SPATS2L: variants seen among roughly 807,000 people sequenced by gnomAD.
The protein encoded by SPATS2L is SPATS2-like protein.
Under a neutral mutation model 59.6 loss-of-function variants are expected in SPATS2L, and 30 were observed. The observed-to-expected ratio is 0.50, with a 90% CI of 0.38 to 0.68. The LOEUF (loss-of-function observed/expected upper bound fraction) is 0.68, where lower values mean the gene tolerates loss of function less well. SPATS2L is among the 30% of genes least tolerant of loss of function. SPATS2L has a pLI of 0.00. For synonymous variants in SPATS2L, 252 were observed against 263.5 expected (o/e 0.96, Z 0.42); for missense variants, 615 against 700.0 (o/e 0.88, Z 1.37).
At position 200,439,144 on chromosome 2, in the gene SPATS2L, G is replaced by A. The variant is rs373310006; in HGVS notation, c.468G>A (p.Gln156=). The A allele has an allele frequency of 2.2e-5, 36 of 1,613,644 alleles. No homozygotes were observed. The African/African-American group carries it at 4.0e-4, about 18-fold the overall frequency. ...GVTEGNRLLQ[Q]KLSLDGNPKP... ...CAGAAGGCAACAGACTACTGCAACA[G>A]AAACTATCCTTAGATGGGAACCCCA... Residue 156 remains glutamine, a synonymous_variant, in exon 7 of 13, where the codon CAG becomes CAA. Coordinates refer to ENST00000409140, the MANE Select transcript of SPATS2L (RefSeq NM_001100423.2).
intron 9 of SPATS2L, among the ~76,000 whole-genome samples, chr2:200,463,995 A>G (rs1300782141): frequency 2.0e-5 from 3 of 152,230 alleles, no homozygotes; most frequent in Non-Finnish European, 2.9e-5. Flanking sequence ...TATAAATCCT[A>G]TTGAGAAAGT....
At chr2:200,451,928 T>A (rs1172509934) in intron 8 of SPATS2L, among the ~76,000 whole-genome samples, 2 of 152,160 alleles carry the variant, frequency 1.3e-5, no homozygotes, top group Non-Finnish European at 2.9e-5. Context: ...TTTGTTTTAT[T>A]TTGAAATTTG....
chr2:200,476,152 G>A (rs114462666), intron 12 of SPATS2L, among the ~76,000 whole-genome samples: 62 of 152,228 alleles, frequency 4.1e-4, no homozygotes, highest in African/African-American at 1.3e-3. Flanking sequence ...AATCCATTGC[G>A]TCCTTACTGC....
intron 1 of SPATS2L, among the ~76,000 whole-genome samples, chr2:200,327,893 CA>C (rs756819436): frequency 5.3e-5 from 8 of 152,114 alleles, no homozygotes; most frequent in Non-Finnish European, 1.0e-4. Context: ...CACACGCAAA[CA>C]AAAGATTTCT....
chr2:200,442,345 C>T (rs1195735257), intron 8 of SPATS2L, among the ~76,000 whole-genome samples: 1 of 152,182 alleles, frequency 6.6e-6, no homozygotes, highest in African/African-American at 2.4e-5. Flanking sequence ...GAGCCAGGGT[C>T]TGCAGACTTT....
chr2:200,318,821 T>A (rs1014303833), intron 1 of SPATS2L, among the ~76,000 whole-genome samples: 16 of 152,206 alleles, frequency 1.1e-4, no homozygotes, highest in Non-Finnish European at 2.4e-4. Flanking sequence ...ATGCAGGAAT[T>A]CTTTCCACAT....
At chr2:200,326,454 A>G (rs2079745889) in intron 1 of SPATS2L, among the ~76,000 whole-genome samples, 1 of 152,204 alleles carries the variant, frequency 6.6e-6, no homozygotes, top group Admixed American at 6.5e-5. Context: ...TGAAATTTCA[A>G]TCGTTTTTCT....
At chr2:200,308,994 C>G (rs1304462878) in intron 1 of SPATS2L, 1 of 716,992 alleles carries the variant, frequency 1.4e-6, no homozygotes, top group African/African-American at 1.7e-5. Context: ...TGCTCTGCCA[C>G]ACCAGTAAGG....
chr2:200,421,556 C>G (rs367902261), intron 6 of SPATS2L, among the ~76,000 whole-genome samples: 1 of 152,204 alleles, frequency 6.6e-6, no homozygotes, highest in South Asian at 2.1e-4. Context: ...TCTTAAATTG[C>G]TCACAAAGCA....
At chr2:200,442,776 G>C (rs1443074991) in intron 8 of SPATS2L, among the ~76,000 whole-genome samples, 1 of 152,158 alleles carries the variant, frequency 6.6e-6, no homozygotes, top group Non-Finnish European at 1.5e-5. Context: ...GATTCTGTGA[G>C]AGTTTTACTC....
intron 8 of SPATS2L, among the ~76,000 whole-genome samples, chr2:200,448,100 C>G (rs557670569): frequency 1.3e-5 from 2 of 152,064 alleles, no homozygotes; most frequent in Admixed American, 6.5e-5. Context: ...AAGCCGTGAT[C>G]ATGCCATTAT....
chr2:200,397,238 A>G (rs549554806), intron 3 of SPATS2L, among the ~76,000 whole-genome samples: 1 of 152,350 alleles, frequency 6.6e-6, no homozygotes, highest in Admixed American at 6.5e-5. Context: ...ATGCTAAAGA[A>G]TACAAGAGCA....
At chr2:200,365,322 A>T (rs2081234042) in intron 2 of SPATS2L, among the ~76,000 whole-genome samples, 1 of 152,252 alleles carries the variant, frequency 6.6e-6, no homozygotes, top group Non-Finnish European at 1.5e-5. Context: ...AGATGGCATT[A>T]TGCCTGTTTA....
At chr2:200,473,922 C>T (rs1265128730) in intron 12 of SPATS2L, among the ~76,000 whole-genome samples, 1 of 152,018 alleles carries the variant, frequency 6.6e-6, no homozygotes, top group Non-Finnish European at 1.5e-5. Flanking sequence ...ATTGCTTGAA[C>T]CCGGGAGGCG....
chr2:200,324,037 C>T (rs763367889), intron 1 of SPATS2L, among the ~76,000 whole-genome samples: 18 of 152,136 alleles, frequency 1.2e-4, no homozygotes, highest in Non-Finnish European at 2.4e-4. Flanking sequence ...TCAGAAACTG[C>T]TTCTGGGTCT....
chr2:200,373,414 C>T (rs977574818), intron 2 of SPATS2L: 4 of 151,904 alleles, frequency 2.6e-5, no homozygotes, highest in Admixed American at 1.3e-4. Context: ...AAGCTTGGAA[C>T]AAAAAATGAA....
At position 200,306,774 on chromosome 2, in the gene SPATS2L, T is replaced by C. The variant is rs1340966735; in HGVS notation, c.-221T>C. On this transcript the variant is annotated 5_prime_UTR_variant, in exon 1 of 13. Transcript: ENST00000409140. ...CAAGCGCCGGCAGCGCGGGGCGAGCTCCGGACGGCGCGCGGCCCAGGCAGC... is the reference window on the plus strand; with the variant it reads ...CAAGCGCCGGCAGCGCGGGGCGAGCCCCGGACGGCGCGCGGCCCAGGCAGC... The C allele has an allele frequency of 6.5e-5, 64 of 981,618 alleles. 2 individuals are homozygous for C. The East Asian group carries it at 5.2e-3, about 80-fold the overall frequency. 60.8% of individuals were successfully genotyped at this position (981,618 alleles called of 1,614,324 possible).
At chr2:200,376,618 C>T (rs563933561) in intron 2 of SPATS2L, among the ~76,000 whole-genome samples, 1 of 152,346 alleles carries the variant, frequency 6.6e-6, no homozygotes, top group South Asian at 2.1e-4. Flanking sequence ...GCACTGAGCA[C>T]ATCTGATAGC....
In SPATS2L at chr2:200,389,567, G is replaced by A. The variant is rs771844035; in HGVS notation, c.39+284G>A. On this transcript the variant is annotated intron_variant, in intron 3 of 12. Coordinates refer to ENST00000409140, the MANE Select transcript of SPATS2L (RefSeq NM_001100423.2). ...ACAGAGGTGGAAATTGAGAAACAGA[G>A]AAGTAATTTGGCTAAGTTAACGTAG... is the stretch of plus-strand genomic sequence containing the variant. The A allele has an allele frequency of 6.6e-5, 21 of 315,944 alleles. 1 individual carries two copies. The Middle Eastern group carries it at 9.8e-3, about 148-fold the overall frequency. 19.6% of individuals were successfully genotyped at this position (315,944 alleles called of 1,614,324 possible).
Sources: gnomAD v4.1 joint callset for allele counts (sites outside exome capture counted in the v4.1 genomes callset) on GRCh38, gnomAD v4.1.1 for gene constraint, MANE v1.5 for transcripts, NCBI Gene and HGNC (gene_info 2026-07-23, HGNC 2026-07-21) for gene names.